FHOD3: variants seen among roughly 807,000 people sequenced by gnomAD.
FHOD3 encodes the protein formin homology 2 domain containing 3.
In FHOD3, 90 loss-of-function variants were observed where a neutral mutation model predicts 173.0. That is an observed-to-expected ratio of 0.52 (90% CI 0.44 to 0.62). The LOEUF (loss-of-function observed/expected upper bound fraction) is 0.62. Among genes scored for constraint, FHOD3 ranks in the 20% least tolerant of loss-of-function variants. The pLI, the probability that FHOD3 is intolerant of heterozygous loss-of-function variation, is 0.00. For missense variants in FHOD3, 1,945 were observed against 2,034.7 expected, an observed-to-expected ratio of 0.96 and a Z score of 0.85; for synonymous variants, 828 against 823.0, an observed-to-expected ratio of 1.01 and a Z score of -0.10.
intron 28 of FHOD3, among the ~76,000 whole-genome samples, chr18:36,774,161 G>A (rs532882402): frequency 6.6e-6 from 1 of 152,310 alleles, no homozygotes; most frequent in African/African-American, 2.4e-5. Context: ...GAGGCAGTTG[G>A]TGTTCGCATT....
intron 7 of FHOD3, among the ~76,000 whole-genome samples, chr18:36,600,252 A>AC (rs2031153849): frequency 6.3e-5 from 9 of 143,068 alleles, no homozygotes; most frequent in Non-Finnish European, 1.4e-4. Context: ...TCTCCTCTGC[A>AC]ACACACACAC....
intron 7 of FHOD3, among the ~76,000 whole-genome samples, chr18:36,595,981 T>G (rs1386534556): frequency 6.6e-6 from 1 of 152,192 alleles, no homozygotes; most frequent in Non-Finnish European, 1.5e-5. Flanking sequence ...AATTCACCTC[T>G]AGTTTCAACA....
At chr18:36,689,253 G>A (rs1025451590) in intron 16 of FHOD3, among the ~76,000 whole-genome samples, 2 of 152,210 alleles carry the variant, frequency 1.3e-5, no homozygotes, top group Middle Eastern at 3.2e-3. Flanking sequence ...AACTAGTAGA[G>A]ATCAGAGGTG....
intron 2 of FHOD3, among the ~76,000 whole-genome samples, chr18:36,360,698 A>G (rs142859661): frequency 3.8e-4 from 58 of 152,322 alleles, no homozygotes; most frequent in African/African-American, 1.3e-3. Flanking sequence ...CCTGAGGCCC[A>G]TGAACCTCTG....
At chr18:36,620,194 C>T (rs1385678357) in intron 9 of FHOD3, among the ~76,000 whole-genome samples, 1 of 152,244 alleles carries the variant, frequency 6.6e-6, no homozygotes, top group Admixed American at 6.5e-5. Context: ...TCTGTGGCCT[C>T]ATCTCCACCA....
chr18:36,531,337 C>T (rs1407175651), intron 5 of FHOD3, among the ~76,000 whole-genome samples: 1 of 152,182 alleles, frequency 6.6e-6, no homozygotes, highest in Admixed American at 6.5e-5. Flanking sequence ...CCGAGGGATG[C>T]TCTTCTTTCC....
At chr18:36,363,761 G>A (rs1057034202) in intron 2 of FHOD3, among the ~76,000 whole-genome samples, 1 of 152,100 alleles carries the variant, frequency 6.6e-6, no homozygotes, top group African/African-American at 2.4e-5. Context: ...AGAACTCATA[G>A]AACTGTTCAA....
At chr18:36,398,300 A>G (rs2048646247) in intron 3 of FHOD3, among the ~76,000 whole-genome samples, 1 of 152,256 alleles carries the variant, frequency 6.6e-6, no homozygotes, top group Non-Finnish European at 1.5e-5. Flanking sequence ...ATCTCAGTGC[A>G]GATCTTTAGT....
intron 10 of FHOD3, among the ~76,000 whole-genome samples, chr18:36,642,582 C>CAAA (rs35920197): frequency 1.9e-4 from 12 of 61,716 alleles, no homozygotes; most frequent in South Asian, 4.9e-4. Flanking sequence ...GACTCCGTCT[C>CAAA]AAAAAAAAAA....
intron 1 of FHOD3, among the ~76,000 whole-genome samples, chr18:36,308,691 A>G (rs557419548): frequency 1.1e-4 from 16 of 152,360 alleles, no homozygotes; most frequent in African/African-American, 3.8e-4. Context: ...GTAAAGCCCC[A>G]GTAGCAGGAA....
intron 10 of FHOD3, among the ~76,000 whole-genome samples, chr18:36,634,332 G>A (rs1055877679): frequency 5.9e-5 from 9 of 152,174 alleles, no homozygotes; most frequent in Middle Eastern, 3.4e-3. Context: ...GAACTGTGCT[G>A]GGGGGTGAGC....
At chr18:36,655,506 G>T (rs184667174) in intron 13 of FHOD3, among the ~76,000 whole-genome samples, 1 of 152,280 alleles carries the variant, frequency 6.6e-6, no homozygotes, top group Admixed American at 6.5e-5. Flanking sequence ...AAAGCTGCTT[G>T]CTTGTGAATG....
intron 9 of FHOD3, among the ~76,000 whole-genome samples, chr18:36,624,217 A>G (rs563792416): frequency 6.6e-6 from 1 of 152,336 alleles, no homozygotes; most frequent in African/African-American, 2.4e-5. Flanking sequence ...AGTACCACAG[A>G]GAAGGCCCTA....
intron 3 of FHOD3, among the ~76,000 whole-genome samples, chr18:36,380,568 T>TTTCC (rs1555686552): frequency 0.017 from 1,403 of 82,078 alleles, 33 homozygotes; most frequent in East Asian, 0.037. Flanking sequence ...TTTTCTTTTC[T>TTTCC]TTTCTTTTCT....
chr18:36,559,420 G>A (rs1001904410), intron 5 of FHOD3, among the ~76,000 whole-genome samples: 13 of 152,120 alleles, frequency 8.5e-5, no homozygotes, highest in African/African-American at 2.9e-4. Flanking sequence ...AAAATAGGAC[G>A]AGCTGACTTT....
At chr18:36,350,085 T>C (rs2046050542) in intron 1 of FHOD3, among the ~76,000 whole-genome samples, 1 of 152,212 alleles carries the variant, frequency 6.6e-6, no homozygotes, top group African/African-American at 2.4e-5. Flanking sequence ...GCTTGCCCTT[T>C]CTTTTTGACT....
intron 14 of FHOD3, among the ~76,000 whole-genome samples, chr18:36,668,346 T>A (rs934965296): frequency 4.6e-5 from 7 of 152,050 alleles, no homozygotes; most frequent in Admixed American, 3.9e-4. Context: ...TTTTTTAGTA[T>A]CTGTAAAATC....
chr18:36,359,933 A>G (rs117516592), intron 2 of FHOD3, among the ~76,000 whole-genome samples: 1,707 of 152,374 alleles, frequency 0.011, 11 homozygotes, highest in Non-Finnish European at 0.015. Context: ...GAAAGATGAT[A>G]CATTGAAATG....
At chr18:36,740,591 C>A in intron 20 of FHOD3, 65 bp from the exon 21 acceptor site, 1 of 1,364,840 alleles carries the variant, frequency 7.3e-7, no homozygotes, top group Non-Finnish European at 1.0e-6. Context: ...AATTTTATAA[C>A]ATTGAAGGGA....
Sources: gnomAD v4.1 joint callset for allele counts (sites outside exome capture counted in the v4.1 genomes callset) on GRCh38, gnomAD v4.1.1 for gene constraint, MANE v1.5 for transcripts, NCBI Gene and HGNC (gene_info 2026-07-23, HGNC 2026-07-21) for gene names.